PDLIM5: variants seen among roughly 807,000 people sequenced by gnomAD.
PDLIM5 encodes the protein PDZ and LIM domain 5.
In PDLIM5, 34 loss-of-function variants were observed where a neutral mutation model predicts 64.2. The observed-to-expected ratio is 0.53, with a 90% CI of 0.40 to 0.71. The LOEUF (loss-of-function observed/expected upper bound fraction) is 0.71. PDLIM5 is among the 30% of genes least tolerant of loss of function. The probability of loss-of-function intolerance (pLI) is 0.00; values close to 1 mark genes in which losing one functional copy is unlikely to be tolerated. For synonymous variants in PDLIM5, 253 were observed against 269.1 expected (o/e 0.94, Z 0.59); for missense variants, 683 against 733.6 (o/e 0.93, Z 0.80).
chr4:94,524,502 ATTCTT>A (rs1414246557), intron 3 of PDLIM5, among the ~76,000 whole-genome samples: 1 of 151,046 alleles, frequency 6.6e-6, no homozygotes, highest in Non-Finnish European at 1.5e-5. Context: ...ATTAAAGGGT[ATTCTT>A]TTAGGATATG....
rs111278594 is a variant in PDLIM5, at chr4:94,507,222, A to G, written c.97-16502A>G. Among the ~76,000 whole-genome samples the G allele has an allele frequency of 1.3e-3, 205 of 152,006 alleles. 2 individuals are homozygous for G. Among genetic ancestry groups the G allele is most frequent in the African/African-American group, 4.3e-3 (180 of 41,428 alleles). On this transcript the variant is annotated intron_variant, in intron 2 of 12. Transcript: ENST00000317968. ...AATTCTCCCCAATAAATTCCCATAT[A>G]TATATATGGGATATATATATATATC...
intron 7 of PDLIM5, among the ~76,000 whole-genome samples, chr4:94,605,066 T>G (rs1392729073): frequency 1.3e-5 from 2 of 152,098 alleles, no homozygotes; most frequent in Non-Finnish European, 2.9e-5. Flanking sequence ...GTAAAGATAG[T>G]CTGTTGTTTT....
intron 3 of PDLIM5, among the ~76,000 whole-genome samples, chr4:94,524,471 A>G (rs1380318730): frequency 6.6e-6 from 1 of 150,740 alleles, no homozygotes; most frequent in African/African-American, 2.4e-5. Context: ...TCTTTCTGTT[A>G]GGTAAAATTC....
chr4:94,454,408 A>T (rs924091534), intron 1 of PDLIM5, among the ~76,000 whole-genome samples: 1 of 151,914 alleles, frequency 6.6e-6, no homozygotes, highest in African/African-American at 2.4e-5. Flanking sequence ...ACAGCAGAAC[A>T]GACAAAAGAA....
chr4:94,633,027 T>A (rs6857029), intron 8 of PDLIM5, among the ~76,000 whole-genome samples: 2 of 152,184 alleles, frequency 1.3e-5, no homozygotes, highest in African/African-American at 2.4e-5. Flanking sequence ...CAGAAAAAAA[T>A]TGAAAATTGG....
chr4:94,492,683 A>G (rs146427431), intron 2 of PDLIM5, among the ~76,000 whole-genome samples: 1,815 of 152,214 alleles, frequency 0.012, 27 homozygotes, highest in Non-Finnish European at 0.02. Flanking sequence ...TTTGTGGTTC[A>G]TCTTTATTAC....
At chr4:94,470,124 A>G (rs111662329) in intron 2 of PDLIM5, among the ~76,000 whole-genome samples, 1,796 of 151,434 alleles carry the variant, frequency 0.012, 41 homozygotes, top group African/African-American at 0.041. Flanking sequence ...ATGCCACCAC[A>G]CCCGGCTAAT....
At chr4:94,632,823 C>T (rs1740265507) in intron 8 of PDLIM5, among the ~76,000 whole-genome samples, 1 of 152,078 alleles carries the variant, frequency 6.6e-6, no homozygotes, top group Non-Finnish European at 1.5e-5. Flanking sequence ...GGGCTTTGAA[C>T]CAGAGAACTG....
intron 2 of PDLIM5, among the ~76,000 whole-genome samples, chr4:94,482,590 A>C (rs1447929780): frequency 6.6e-6 from 1 of 152,040 alleles, no homozygotes; most frequent in East Asian, 1.9e-4. Context: ...TGTGGTATGG[A>C]TCATTGTCTA....
chr4:94,533,379 A>AG (rs1402742926), intron 3 of PDLIM5, among the ~76,000 whole-genome samples: 4 of 152,232 alleles, frequency 2.6e-5, no homozygotes, highest in African/African-American at 9.6e-5. Context: ...AAGCAATCCC[A>AG]GGAATAATAT....
intron 3 of PDLIM5, among the ~76,000 whole-genome samples, chr4:94,562,630 GT>G (rs1369732345): frequency 6.6e-6 from 1 of 152,174 alleles, no homozygotes; most frequent in Non-Finnish European, 1.5e-5. Context: ...AACAAGTATA[GT>G]CCAGTTTGGG....
At chr4:94,620,371 T>TA (rs1249950113) in intron 8 of PDLIM5, among the ~76,000 whole-genome samples, 1 of 152,032 alleles carries the variant, frequency 6.6e-6, no homozygotes, top group East Asian at 1.9e-4. Context: ...CCATCTCTAC[T>TA]AAAAATATAA....
At chr4:94,659,486 A>G (rs6532499) in intron 11 of PDLIM5, among the ~76,000 whole-genome samples, 5,426 of 112,854 alleles carry the variant, frequency 0.048, 155 homozygotes, top group East Asian at 0.064. Flanking sequence ...TGTAGTATAT[A>G]TGTGTGTATG....
chr4:94,480,857 C>T (rs765617336), intron 2 of PDLIM5, among the ~76,000 whole-genome samples: 1 of 152,158 alleles, frequency 6.6e-6, no homozygotes, highest in South Asian at 2.1e-4. Flanking sequence ...GTTTACATCC[C>T]CCAGCCCCAA....
chr4:94,664,006 C>T lies in PDLIM5; in HGVS notation c.1730C>T (p.Thr577Ile). The change falls in exon 13 of 13, where the codon ACC becomes ATC. Residue 577 changes from threonine to isoleucine, a missense_variant. Thr to Ile is a moderately conservative substitution (Grantham distance 89, BLOSUM62 -1). Coordinates refer to ENST00000317968, the MANE Select transcript of PDLIM5 (RefSeq NM_006457.5). ...TGTTGTGAAAGTTTGGAAGGTCAGA[C>T]CTTTTTCTCCAAGAAGGACAAGCCC... is the stretch of plus-strand genomic sequence containing the variant. ...SVCCESLEGQ[T>I]FFSKKDKPLC... 1 of 1,607,352 alleles carries T rather than the reference C, an allele frequency of 6.2e-7. No homozygotes were observed. Among genetic ancestry groups the T allele is most frequent in the Non-Finnish European group, 8.5e-7 (1 of 1,175,286 alleles).
chr4:94,508,548 C>T (rs776561949), intron 2 of PDLIM5, among the ~76,000 whole-genome samples: 25 of 152,106 alleles, frequency 1.6e-4, no homozygotes, highest in Non-Finnish European at 3.2e-4. Flanking sequence ...AAGACTTTCT[C>T]ATCTTCTCTA....
chr4:94,604,641 A>G (rs977612036), intron 7 of PDLIM5, among the ~76,000 whole-genome samples: 1 of 152,128 alleles, frequency 6.6e-6, no homozygotes, highest in Admixed American at 6.5e-5. Flanking sequence ...CTCCAAAAAA[A>G]GAATTAAAGT....
chr4:94,601,855 G>C (rs1415399277), intron 7 of PDLIM5, among the ~76,000 whole-genome samples: 1 of 152,138 alleles, frequency 6.6e-6, no homozygotes, highest in African/African-American at 2.4e-5. Context: ...AGGTTTAGTT[G>C]ATTTAGTTTT....
intron 8 of PDLIM5, 74 bp downstream of exon 8, chr4:94,618,265 G>A (rs577690623): frequency 2.0e-6 from 2 of 1,003,326 alleles, no homozygotes; most frequent in African/African-American, 1.6e-5. Flanking sequence ...TGGGATATAT[G>A]GTAGAATTCA....
Sources: allele counts gnomAD v4.1 joint callset (sites outside exome capture counted in the v4.1 genomes callset), GRCh38; gene constraint gnomAD v4.1.1; transcripts MANE v1.5; gene names NCBI Gene and HGNC (gene_info 2026-07-23, HGNC 2026-07-21).